The following AGMO variants were observed in gnomAD, a reference collection of about 807,000 sequenced individuals.
AGMO encodes alkylglycerol monooxygenase, also known as glyceryl-ether monooxygenase.
Under a neutral mutation model 60.2 loss-of-function variants are expected in AGMO, and 75 were observed. The observed-to-expected ratio is 1.25, with a 90% CI of 1.03 to 1.51. The LOEUF (loss-of-function observed/expected upper bound fraction) is 1.51. Ranked by LOEUF, AGMO falls within the 40% of genes most tolerant of loss-of-function variation. AGMO has a pLI of 0.00. For synonymous variants in AGMO, 261 were observed against 177.1 expected (o/e 1.47, Z -3.76); for missense variants, 763 against 525.5 (o/e 1.45, Z -4.42).
At chr7:15,183,843 A>C in the AGMO span, among the ~76,000 whole-genome samples, 1 of 152,204 alleles carries the variant, frequency 6.6e-6, no homozygotes, top group East Asian at 1.9e-4. Flanking sequence ...AATTATTTTT[A>C]ATGTCACAAG....
At chr7:15,250,955 A>T (rs4398799) in intron 12 of AGMO, among the ~76,000 whole-genome samples, 61,730 of 151,172 alleles carry the variant, frequency 0.41, 13,686 homozygotes, top group African/African-American at 0.6. Flanking sequence ...CAAAAAAAAA[A>T]ATATATATAT....
chr7:15,172,445 T>A, the AGMO span, among the ~76,000 whole-genome samples: 1 of 152,206 alleles, frequency 6.6e-6, no homozygotes, highest in Non-Finnish European at 1.5e-5. Flanking sequence ...GCAGCAATCA[T>A]TCTGTAGACC....
chr7:15,352,763 C>T lies in AGMO; in HGVS notation c.1263+12751G>A, dbSNP rs75413273. On this transcript the variant is annotated intron_variant, in intron 12 of 12. Transcript: ENST00000342526. ...CCTTTTTCTCAGCGACAGGATTCTC[C>T]TTAGAGCCATTATCTAGTATCTGAA... is the stretch of plus-strand genomic sequence containing the variant. Among the ~76,000 whole-genome samples, 784 of 151,806 alleles carry T rather than the reference C, an allele frequency of 5.2e-3. 16 individuals are homozygous for T. The highest frequency in any genetic ancestry group is 0.015 in the East Asian group (78 of 5,156).
intron 12 of AGMO, among the ~76,000 whole-genome samples, chr7:15,323,257 C>T (rs770599256): frequency 6.6e-6 from 1 of 151,846 alleles, no homozygotes; most frequent in Non-Finnish European, 1.5e-5. Flanking sequence ...TACAATTTGC[C>T]CTAAGAAAAC....
intron 2 of AGMO, among the ~76,000 whole-genome samples, chr7:15,549,783 C>A (rs1454614101): frequency 1.3e-5 from 2 of 151,126 alleles, no homozygotes; most frequent in African/African-American, 4.9e-5. Context: ...ACAAGGATAC[C>A]CAGGAATTGA....
intron 12 of AGMO, among the ~76,000 whole-genome samples, chr7:15,325,482 ACTT>A (rs1563088571): frequency 1.3e-5 from 2 of 152,150 alleles, no homozygotes; most frequent in African/African-American, 4.8e-5. Flanking sequence ...TTTTAAACAA[ACTT>A]CTCTCACAAA....
chr7:15,395,409 AAACCT>A (rs768907528), intron 5 of AGMO, among the ~76,000 whole-genome samples: 1 of 152,238 alleles, frequency 6.6e-6, no homozygotes, highest in Non-Finnish European at 1.5e-5. Context: ...CGATTTGAAC[AAACCT>A]AACATAAAAG....
intron 12 of AGMO, among the ~76,000 whole-genome samples, chr7:15,267,383 A>T (rs1055190675): frequency 1.3e-5 from 2 of 152,024 alleles, no homozygotes; most frequent in Non-Finnish European, 2.9e-5. Flanking sequence ...CTGTTTTTAA[A>T]CATCATGAAA....
intron 3 of AGMO, among the ~76,000 whole-genome samples, chr7:15,513,685 T>C (rs1281397622): frequency 6.6e-6 from 1 of 152,172 alleles, no homozygotes; most frequent in African/African-American, 2.4e-5. Flanking sequence ...AAGATTGGGC[T>C]TGGAGATCTC....
chr7:15,556,111 G>T (rs953654148), intron 2 of AGMO, among the ~76,000 whole-genome samples: 1 of 151,498 alleles, frequency 6.6e-6, no homozygotes, highest in South Asian at 2.1e-4. Flanking sequence ...TTAGCCTCTC[G>T]TGCCAAGGCC....
chr7:15,555,954 T>C (rs1164324812), intron 2 of AGMO, among the ~76,000 whole-genome samples: 5 of 151,988 alleles, frequency 3.3e-5, no homozygotes, highest in Non-Finnish European at 5.9e-5. Flanking sequence ...TCTAAGTTAA[T>C]ACATTTAGTA....
intron 12 of AGMO, among the ~76,000 whole-genome samples, chr7:15,277,791 G>A (rs1783843979): frequency 6.6e-6 from 1 of 152,198 alleles, no homozygotes; most frequent in Admixed American, 6.5e-5. Context: ...CTGGATAGAG[G>A]TGTCCATTGT....
At chr7:15,279,809 G>A (rs1191443488) in intron 12 of AGMO, among the ~76,000 whole-genome samples, 2 of 152,140 alleles carry the variant, frequency 1.3e-5, no homozygotes, top group African/African-American at 2.4e-5. Context: ...CCAGGCCAAG[G>A]GAGAAGTCTT....
intron 4 of AGMO, among the ~76,000 whole-genome samples, chr7:15,423,751 T>C (rs563980107): frequency 9.8e-5 from 12 of 122,834 alleles, no homozygotes; most frequent in Non-Finnish European, 1.9e-4. Context: ...ATCTCAGTGA[T>C]GCATCTTCAA....
At chr7:15,156,969 C>A in the AGMO span, among the ~76,000 whole-genome samples, 1,853 of 152,226 alleles carry the variant, frequency 0.012, 42 homozygotes, top group African/African-American at 0.042. Context: ...AATTATTGTT[C>A]CTTTTAAGTA....
intron 12 of AGMO, among the ~76,000 whole-genome samples, chr7:15,246,334 A>T (rs1483380690): frequency 6.6e-6 from 1 of 152,030 alleles, no homozygotes; most frequent in Non-Finnish European, 1.5e-5. Flanking sequence ...TGCTGTTATT[A>T]AAACAGTCTC....
intron 12 of AGMO, among the ~76,000 whole-genome samples, chr7:15,336,095 C>G (rs1279523513): frequency 6.6e-6 from 1 of 152,098 alleles, no homozygotes; most frequent in South Asian, 2.1e-4. Flanking sequence ...TCAACTACTA[C>G]TATTCCTTCT....
intron 12 of AGMO, among the ~76,000 whole-genome samples, chr7:15,285,519 G>A (rs530038767): frequency 7.2e-5 from 11 of 152,048 alleles, no homozygotes; most frequent in African/African-American, 2.6e-4. Context: ...TAAACAAGGA[G>A]GTGAAAGATC....
intron 12 of AGMO, among the ~76,000 whole-genome samples, chr7:15,357,183 G>T (rs1782567803): frequency 8.0e-6 from 1 of 124,432 alleles, no homozygotes; most frequent in East Asian, 2.2e-4. Flanking sequence ...TCTATACTAT[G>T]AATATTCGTG....
Sources: allele counts gnomAD v4.1 joint callset (sites outside exome capture counted in the v4.1 genomes callset), GRCh38; gene constraint gnomAD v4.1.1; transcripts MANE v1.5; gene names NCBI Gene and HGNC (gene_info 2026-07-23, HGNC 2026-07-21).